The following CCDC171 variants were observed in gnomAD, a reference collection of about 807,000 sequenced individuals.
CCDC171 encodes coiled-coil domain containing 171.
A neutral mutation model predicts 168.2 loss-of-function variants in CCDC171; 177 were observed. The ratio of observed to expected loss-of-function variants is 1.05; its 90% CI spans 0.93 to 1.19. The LOEUF (loss-of-function observed/expected upper bound fraction) is 1.19. CCDC171 is among the 50% of genes most tolerant of loss of function. The pLI is 0.00. For missense variants in CCDC171, 1,991 were observed against 1,539.0 expected, an observed-to-expected ratio of 1.29 and a Z score of -4.91; for synonymous variants, 687 against 540.8, an observed-to-expected ratio of 1.27 and a Z score of -3.75.
chr9:15,867,168 C>G (rs907981672), intron 23 of CCDC171, among the ~76,000 whole-genome samples: 1 of 151,950 alleles, frequency 6.6e-6, no homozygotes, highest in East Asian at 1.9e-4. Context: ...ATGATTACTT[C>G]TATTCTTAGA....
intron 3 of CCDC171, among the ~76,000 whole-genome samples, chr9:15,987,090 G>T (rs1832013493): frequency 6.6e-6 from 1 of 151,954 alleles, no homozygotes; most frequent in Non-Finnish European, 1.5e-5. Flanking sequence ...GGCATTTCTA[G>T]GCAAGACTCC....
At chr9:16,034,291 A>G (rs1288358246) in intron 6 of CCDC171, among the ~76,000 whole-genome samples, 1 of 152,172 alleles carries the variant, frequency 6.6e-6, no homozygotes, top group Non-Finnish European at 1.5e-5. Context: ...TTATGAAGAG[A>G]TGCAAAGATT....
chr9:15,812,765 T>C (rs10429512), intron 21 of CCDC171, among the ~76,000 whole-genome samples: 143,529 of 152,308 alleles, frequency 0.94, 67,691 homozygotes, highest in East Asian at 0.98. Context: ...TTCATTATTA[T>C]TGTGGACCAG....
At chr9:15,901,449 A>G (rs1233631065) in intron 24 of CCDC171, among the ~76,000 whole-genome samples, 1 of 152,202 alleles carries the variant, frequency 6.6e-6, no homozygotes, top group Non-Finnish European at 1.5e-5. Flanking sequence ...GGGGCAGAGC[A>G]TGTATGGGAA....
downstream of CCDC171, among the ~76,000 whole-genome samples, chr9:16,063,451 G>C (rs1833958001): frequency 6.6e-6 from 1 of 152,152 alleles, no homozygotes; most frequent in Admixed American, 6.5e-5. Context: ...GGGAATACCA[G>C]GAATTATGCA....
intron 21 of CCDC171, among the ~76,000 whole-genome samples, chr9:15,832,786 C>G (rs1269470382): frequency 6.6e-6 from 1 of 152,074 alleles, no homozygotes; most frequent in Admixed American, 6.5e-5. Flanking sequence ...AGCACAAACA[C>G]GGTGTAAAGC....
At chr9:15,670,233 C>G (rs1232857030) in intron 9 of CCDC171, among the ~76,000 whole-genome samples, 1 of 152,098 alleles carries the variant, frequency 6.6e-6, no homozygotes, top group Non-Finnish European at 1.5e-5. Context: ...TCAGTGGACA[C>G]AGTTTGGCCT....
intron 11 of CCDC171, among the ~76,000 whole-genome samples, chr9:15,696,386 T>C (rs753733485): frequency 1.3e-5 from 2 of 152,212 alleles, no homozygotes; most frequent in Non-Finnish European, 2.9e-5. Flanking sequence ...TTTTATGAAA[T>C]TAATGTGTAA....
chr9:15,662,317 A>T (rs1019676376), intron 8 of CCDC171, among the ~76,000 whole-genome samples: 1 of 149,172 alleles, frequency 6.7e-6, no homozygotes, highest in East Asian at 2.0e-4. Flanking sequence ...CATTTCAATT[A>T]TTCCAGAAAT....
chr9:15,712,310 C>A (rs1437001166), intron 11 of CCDC171, among the ~76,000 whole-genome samples: 1 of 152,202 alleles, frequency 6.6e-6, no homozygotes, highest in South Asian at 2.1e-4. Flanking sequence ...ACCATCACAT[C>A]CCCTTTTCTC....
chr9:15,647,369 A>G (rs560955037), intron 7 of CCDC171, among the ~76,000 whole-genome samples: 106 of 152,348 alleles, frequency 7.0e-4, no homozygotes, highest in African/African-American at 2.2e-3. Flanking sequence ...AACACATTCA[A>G]AAGCTAGCAG....
At chr9:15,900,021 T>C (rs1240789429) in intron 24 of CCDC171, among the ~76,000 whole-genome samples, 1 of 152,190 alleles carries the variant, frequency 6.6e-6, no homozygotes, top group African/African-American at 2.4e-5. Flanking sequence ...AATTTTGAGT[T>C]AGTTTTGGTA....
intron 1 of CCDC171, among the ~76,000 whole-genome samples, chr9:16,058,958 G>A (rs1452471023): frequency 6.6e-6 from 1 of 152,164 alleles, no homozygotes; most frequent in Non-Finnish European, 1.5e-5. Context: ...CTGAACAACA[G>A]GCATGCTGTG....
intron 6 of CCDC171, among the ~76,000 whole-genome samples, chr9:16,033,671 C>G (rs148276437): frequency 3.9e-5 from 6 of 152,240 alleles, no homozygotes; most frequent in African/African-American, 1.4e-4. Context: ...TGAACCATCC[C>G]GAAACCATCC....
At chr9:15,919,701 A>G (rs1419548250) in intron 24 of CCDC171, among the ~76,000 whole-genome samples, 2 of 151,530 alleles carry the variant, frequency 1.3e-5, no homozygotes, top group Admixed American at 6.6e-5. Flanking sequence ...GCTTATGTTA[A>G]TTGTTTTATT....
intron 1 of CCDC171, among the ~76,000 whole-genome samples, chr9:15,556,634 A>T (rs1346286553): frequency 3.3e-5 from 5 of 151,922 alleles, no homozygotes; most frequent in Admixed American, 1.3e-4. Flanking sequence ...TAGATTCTGG[A>T]TATTAGCCCT....
Position 15,723,732 on chromosome 9 carries a change from A to G in CCDC171, c.1477A>G (p.Thr493Ala), listed in dbSNP as rs199681589. The change falls in exon 13 of 26, where the codon ACT becomes GCT. Residue 493 changes from threonine to alanine, a missense_variant. Physicochemically the swap from Thr to Ala is moderately conservative, Grantham distance 58. Transcript: ENST00000380701. ...DSTKQKIDSH[T>A]KNIKELQDKL... ...TACGAAACAGAAGATAGACTCTCAC[A>G]CTAAAAATATAAAGGTATTATTTAG... The G allele has an allele frequency of 1.9e-3, 2,953 of 1,518,262 alleles. 74 individuals are homozygous for G. In the South Asian group the frequency reaches 0.033, roughly 17 times the overall value. 94.0% of individuals were successfully genotyped at this position (1,518,262 alleles called of 1,614,324 possible).
upstream of CCDC171, among the ~76,000 whole-genome samples, chr9:16,038,321 G>A (rs1019222968): frequency 3.4e-4 from 52 of 152,128 alleles, 2 homozygotes; most frequent in African/African-American, 1.2e-3. Flanking sequence ...CTCTAAGAGG[G>A]GAAGTTAAAT....
At chr9:15,582,180 G>A (rs540201613) in intron 4 of CCDC171, among the ~76,000 whole-genome samples, 1 of 152,268 alleles carries the variant, frequency 6.6e-6, no homozygotes, top group East Asian at 1.9e-4. Flanking sequence ...TGAAAAAATG[G>A]TCATCATCAC....
Sources: gnomAD v4.1 joint callset for allele counts (sites outside exome capture counted in the v4.1 genomes callset) on GRCh38, gnomAD v4.1.1 for gene constraint, MANE v1.5 for transcripts, NCBI Gene and HGNC (gene_info 2026-07-23, HGNC 2026-07-21) for gene names.